The following ANKRD36 variants were observed in gnomAD, a reference collection of about 807,000 sequenced individuals.
ANKRD36 encodes ankyrin repeat domain 36, also known as ankyrin repeat domain-containing protein 36A.
Under a neutral mutation model 278.1 loss-of-function variants are expected in ANKRD36, and 179 were observed. That is an observed-to-expected ratio of 0.64 (90% CI 0.57 to 0.73). The LOEUF is 0.73. ANKRD36 is among the 30% of genes least tolerant of loss of function. The pLI, the probability that ANKRD36 is intolerant of heterozygous loss-of-function variation, is 0.00. For missense variants in ANKRD36, 1,159 were observed against 1,956.7 expected, an observed-to-expected ratio of 0.59 and a Z score of 7.69; for synonymous variants, 320 against 641.1, an observed-to-expected ratio of 0.50 and a Z score of 7.57.
chr2:97,181,723 T>C lies in ANKRD36; in HGVS notation c.1767T>C (p.Ala589=). The change falls in exon 26 of 76, where the codon GCT becomes GCC. Residue 589 remains alanine, a splice_region_variant and synonymous_variant. Coordinates refer to ENST00000420699, the MANE Select transcript of ANKRD36 (RefSeq NM_001354587.1). The stretch of plus-strand genomic sequence containing the variant: ...ATTTTGTTTCAAATCCCATTCAGGC[T>C]ACAAGTGACGAGAAAGATTCTGTTT... ...VSSQKQPAEK[A]TSDEKDSVSN... is the part of the protein sequence containing the mutation. 6.2e-7 allele frequency: 1 copy of C among 1,608,988 alleles called. No individual in the cohort carries two copies.
chr2:97,232,787 G>A (rs2072600933), intron 67 of ANKRD36, among the ~76,000 whole-genome samples: 1 of 151,316 alleles, frequency 6.6e-6, no homozygotes, highest in African/African-American at 2.4e-5. Flanking sequence ...TTTTAACTCA[G>A]ACAAGGAAAA....
At chr2:97,207,091 T>G (rs1439738909) in intron 52 of ANKRD36, among the ~76,000 whole-genome samples, 4 of 151,584 alleles carry the variant, frequency 2.6e-5, no homozygotes, top group African/African-American at 7.3e-5. Context: ...ACTTTGTATG[T>G]GTATGTCAAA....
At chr2:97,210,955 C>T (rs1489994604) in intron 56 of ANKRD36, among the ~76,000 whole-genome samples, 5 of 151,904 alleles carry the variant, frequency 3.3e-5, no homozygotes, top group Non-Finnish European at 7.4e-5. Context: ...AAAATTATTA[C>T]ACCACATGGG....
chr2:97,133,134 C>T (rs1172233070), intron 6 of ANKRD36, among the ~76,000 whole-genome samples: 1 of 152,004 alleles, frequency 6.6e-6, no homozygotes, highest in African/African-American at 2.4e-5. Flanking sequence ...GCATGTAGGC[C>T]TTTCTAAGAA....
At chr2:97,135,979 G>T (rs551573753) in intron 6 of ANKRD36, among the ~76,000 whole-genome samples, 1 of 151,856 alleles carries the variant, frequency 6.6e-6, no homozygotes, top group Non-Finnish European at 1.5e-5. Context: ...GAATTTCCAA[G>T]ATGATATCAT....
chr2:97,177,858 T>G (rs200394726), intron 22 of ANKRD36, among the ~76,000 whole-genome samples: 2 of 151,700 alleles, frequency 1.3e-5, no homozygotes, highest in Non-Finnish European at 2.9e-5. Context: ...GCTTCTGCAC[T>G]GCAAAAGAAA....
At chr2:97,202,450 T>C in intron 48 of ANKRD36, 57 bp downstream of exon 48, 1 of 1,535,754 alleles carries the variant, frequency 6.5e-7, no homozygotes, top group African/African-American at 1.4e-5. Context: ...AGAAGTTCTC[T>C]TCCCCAAATA....
intron 6 of ANKRD36, among the ~76,000 whole-genome samples, chr2:97,139,335 A>G (rs1011851244): frequency 1.3e-5 from 2 of 152,076 alleles, no homozygotes; most frequent in African/African-American, 2.4e-5. Flanking sequence ...CCAAATGCAC[A>G]TTAAAAACCT....
chr2:97,212,642 T>G lies in ANKRD36; in HGVS notation c.3470-777T>G, dbSNP rs1432467975. ...GTGGTCCTTTCAATGAATATTTGAT[T>G]GATTTCTGAATGTAAAACTTATTAA... On this transcript the variant is annotated intron_variant, in intron 58 of 75. Coordinates refer to ENST00000420699, the MANE Select transcript of ANKRD36 (RefSeq NM_001354587.1). 3.9e-5 allele frequency: 6 copies of G among 153,740 alleles called. No individual in the cohort carries two copies. The East Asian group carries it at 9.8e-4, about 25-fold the overall frequency. 9.5% of individuals were successfully genotyped at this position (153,740 alleles called of 1,614,324 possible).
At chr2:97,198,531 A>C (rs1285857239) in intron 43 of ANKRD36, 40 bp downstream of exon 43, 2 of 1,566,802 alleles carry the variant, frequency 1.3e-6, no homozygotes, top group Admixed American at 1.9e-5. Context: ...TAGTAAATGC[A>C]TAGTCTATGA....
chr2:97,123,108 G>T, intron 4 of ANKRD36, 115 bp downstream of exon 4: 2 of 851,408 alleles, frequency 2.3e-6, no homozygotes, highest in Non-Finnish European at 1.7e-6. Context: ...TGTAATTATT[G>T]GGATATAGTG....
intron 6 of ANKRD36, among the ~76,000 whole-genome samples, chr2:97,132,549 T>G (rs562286363): frequency 4.6e-5 from 7 of 151,570 alleles, no homozygotes; most frequent in East Asian, 3.9e-4. Context: ...GAGAACAGAT[T>G]AGGGAAAGGT....
At chr2:97,221,270 T>TTTTCAGAC (rs2067583469) in intron 66 of ANKRD36, among the ~76,000 whole-genome samples, 1 of 100,188 alleles carries the variant, frequency 1.0e-5, no homozygotes, top group African/African-American at 6.0e-5. Context: ...CAGCATGATT[T>TTTTCAGAC]ATAGTCCTTT....
In ANKRD36 at chr2:97,192,727, A is replaced by G. The variant is rs1479720682; in HGVS notation, c.2348-131A>G. The G allele has an allele frequency of 1.2e-5, 15 of 1,298,274 alleles. 1 individual carries two copies. Among genetic ancestry groups the G allele is most frequent in the Non-Finnish European group, 1.5e-5 (14 of 929,786 alleles). 80.4% of individuals were successfully genotyped at this position (1,298,274 alleles called of 1,614,324 possible). On this transcript the variant is annotated intron_variant, in intron 36 of 75. Coordinates refer to ENST00000420699, the MANE Select transcript of ANKRD36 (RefSeq NM_001354587.1). Reference sequence around the variant, plus strand: ...TCTGTCACGTTCTAGTCCCCAGACTAAAAGTAGAAGCCATCAAAGCCTACG... The same window carrying G: ...TCTGTCACGTTCTAGTCCCCAGACTGAAAGTAGAAGCCATCAAAGCCTACG...
rs1426581137 is a variant in ANKRD36 at position 97,211,744 on chromosome 2, A to T, written c.3469+3A>T. On this transcript the variant is annotated splice_donor_region_variant and intron_variant, in intron 58 of 75. Transcript: ENST00000420699. ...GGATGAACAAATATCTGGGACAGGT[A>T]ATTTTGCAAACACATTTAATATGAT... The T allele has an allele frequency of 6.4e-7, 1 of 1,572,934 alleles. No homozygotes were observed. The highest frequency in any genetic ancestry group is 8.6e-7 in the Non-Finnish European group (1 of 1,159,708).
At chr2:97,194,186 A>C (rs1490231612) in intron 38 of ANKRD36, among the ~76,000 whole-genome samples, 1 of 151,688 alleles carries the variant, frequency 6.6e-6, no homozygotes, top group East Asian at 2.0e-4. Flanking sequence ...ATCAGCAAAC[A>C]GATATCCAAG....
At chr2:97,222,020 A>G (rs1337285683) in intron 66 of ANKRD36, among the ~76,000 whole-genome samples, 4 of 150,746 alleles carry the variant, frequency 2.7e-5, no homozygotes, top group Non-Finnish European at 4.4e-5. Context: ...TCCCAGCACC[A>G]TTTATTAAAT....
chr2:97,160,802 G>A (rs1172477247), intron 17 of ANKRD36, among the ~76,000 whole-genome samples: 3 of 152,046 alleles, frequency 2.0e-5, no homozygotes, highest in South Asian at 2.1e-4. Context: ...ATTCATACAA[G>A]TTAAAAACTT....
At chr2:97,211,638 T>C in intron 57 of ANKRD36, 31 bp from the exon 58 acceptor site, 1 of 1,592,070 alleles carries the variant, frequency 6.3e-7, no homozygotes, top group Non-Finnish European at 8.5e-7. Context: ...ATACTTTATT[T>C]ATTGACTGTT....
Sources: allele counts gnomAD v4.1 joint callset (sites outside exome capture counted in the v4.1 genomes callset), GRCh38; gene constraint gnomAD v4.1.1; transcripts MANE v1.5; gene names NCBI Gene and HGNC (gene_info 2026-07-23, HGNC 2026-07-21).